Variants in CDH13 observed in about 807,000 individuals in gnomAD.
The protein encoded by CDH13 is cadherin 13.
Under a neutral mutation model 63.8 loss-of-function variants are expected in CDH13, and 24 were observed. The observed-to-expected ratio is 0.38, with a 90% CI of 0.27 to 0.53. The LOEUF (loss-of-function observed/expected upper bound fraction) is 0.53. CDH13 is among the 20% of genes least tolerant of loss of function. CDH13 has a pLI of 0.85. For synonymous variants in CDH13, 503 were observed against 355.3 expected (o/e 1.42, Z -4.67); for missense variants, 1,049 against 903.1 (o/e 1.16, Z -2.07).
intron 8 of CDH13, among the ~76,000 whole-genome samples, chr16:83,613,561 G>A (rs552303506): frequency 3.9e-5 from 6 of 152,222 alleles, no homozygotes; most frequent in East Asian, 1.9e-4. Context: ...GGCCAGGCAC[G>A]GTGGCTCACG....
intron 3 of CDH13, among the ~76,000 whole-genome samples, chr16:83,060,102 C>A (rs974125202): frequency 1.3e-5 from 2 of 152,010 alleles, no homozygotes; most frequent in African/African-American, 4.8e-5. Context: ...CCTACTTTTA[C>A]GTCTCATAAC....
intron 11 of CDH13, among the ~76,000 whole-genome samples, chr16:83,779,561 G>A (rs544613982): frequency 2.6e-5 from 4 of 152,080 alleles, no homozygotes; most frequent in Admixed American, 1.3e-4. Context: ...GGTGGCTCAC[G>A]CCTGTGATCA....
chr16:82,990,104 C>A (rs2151402789), intron 2 of CDH13: 1 of 152,296 alleles, frequency 6.6e-6, no homozygotes, highest in Middle Eastern at 3.4e-3. Context: ...GCAACCTCTC[C>A]CTTCCCCTTG....
At chr16:83,558,962 G>GC (rs869286675) in intron 7 of CDH13, among the ~76,000 whole-genome samples, 4 of 8,236 alleles carry the variant, frequency 4.9e-4, no homozygotes, top group Non-Finnish European at 1.2e-3. Context: ...CCAACACCAT[G>GC]GAGGACCACA....
intron 1 of CDH13, among the ~76,000 whole-genome samples, chr16:82,645,424 G>T (rs1387845866): frequency 6.6e-6 from 1 of 152,124 alleles, no homozygotes; most frequent in Non-Finnish European, 1.5e-5. Flanking sequence ...GTTGGGGTGA[G>T]GGGGGTTGTG....
intron 10 of CDH13, among the ~76,000 whole-genome samples, chr16:83,744,367 G>A (rs1912369057): frequency 6.6e-6 from 1 of 152,230 alleles, no homozygotes; most frequent in Non-Finnish European, 1.5e-5. Flanking sequence ...AATTTGCCAG[G>A]TGGAAGCATA....
chr16:83,793,682 G>A (rs1057361606), intron 13 of CDH13, among the ~76,000 whole-genome samples: 3 of 152,052 alleles, frequency 2.0e-5, no homozygotes, highest in African/African-American at 7.2e-5. Flanking sequence ...ACTTCGGGCA[G>A]GCACCTGTCA....
chr16:83,577,930 T>C (rs1242870848), intron 7 of CDH13, among the ~76,000 whole-genome samples: 1 of 152,252 alleles, frequency 6.6e-6, no homozygotes, highest in East Asian at 1.9e-4. Flanking sequence ...TATTTATATA[T>C]TGTAATACAT....
intron 5 of CDH13, among the ~76,000 whole-genome samples, chr16:83,270,437 A>G (rs1413604396): frequency 6.6e-6 from 1 of 152,218 alleles, no homozygotes; most frequent in Non-Finnish European, 1.5e-5. Flanking sequence ...GCTGCACAAT[A>G]GGAAGCTTCT....
intron 8 of CDH13, among the ~76,000 whole-genome samples, chr16:83,660,851 AT>A (rs1913374245): frequency 6.6e-6 from 1 of 152,222 alleles, no homozygotes; most frequent in South Asian, 2.1e-4. Context: ...ATTTTCTTTC[AT>A]TTTTTAAAGA....
chr16:83,263,091 T>A (rs949513081), intron 5 of CDH13, among the ~76,000 whole-genome samples: 3 of 152,174 alleles, frequency 2.0e-5, no homozygotes, highest in African/African-American at 7.2e-5. Flanking sequence ...TAGCTATGGA[T>A]ATAAACAAGG....
intron 3 of CDH13, among the ~76,000 whole-genome samples, chr16:83,059,667 CTT>C (rs1411118295): frequency 6.6e-6 from 1 of 151,878 alleles, no homozygotes; most frequent in East Asian, 1.9e-4. Flanking sequence ...AGCAGGCTGA[CTT>C]TCTGGTTCCA....
chr16:82,788,675 T>G (rs1007872646), intron 1 of CDH13, among the ~76,000 whole-genome samples: 1 of 152,226 alleles, frequency 6.6e-6, no homozygotes, highest in African/African-American at 2.4e-5. Flanking sequence ...CATTTGTGAA[T>G]TTGGCAGAAG....
chr16:82,911,507 C>T (rs897248839), intron 2 of CDH13, among the ~76,000 whole-genome samples: 3 of 152,176 alleles, frequency 2.0e-5, no homozygotes, highest in Non-Finnish European at 4.4e-5. Context: ...GCTGTACTGT[C>T]CTGGTTAAAT....
chr16:83,671,877 G>A (rs1914529167), intron 9 of CDH13, among the ~76,000 whole-genome samples: 1 of 152,230 alleles, frequency 6.6e-6, no homozygotes, highest in Admixed American at 6.5e-5. Flanking sequence ...TGGTAGCACA[G>A]AAGGCTTGCT....
chr16:83,301,505 C>T (rs1481209776), intron 5 of CDH13, among the ~76,000 whole-genome samples: 1 of 152,040 alleles, frequency 6.6e-6, no homozygotes, highest in African/African-American at 2.4e-5. Flanking sequence ...TGTGTCAGGG[C>T]TGTGTGGCTG....
chr16:82,823,502 G>C (rs2038102128), intron 1 of CDH13: 2 of 152,148 alleles, frequency 1.3e-5, no homozygotes, highest in Admixed American at 1.3e-4. Flanking sequence ...AGAAACAATT[G>C]AACCTAAGTG....
chr16:83,011,726 T>G (rs1450928611), intron 2 of CDH13, among the ~76,000 whole-genome samples: 1 of 152,172 alleles, frequency 6.6e-6, no homozygotes, highest in Non-Finnish European at 1.5e-5. Context: ...CTTCTTCTAC[T>G]CCCAGTTAAG....
intron 3 of CDH13, among the ~76,000 whole-genome samples, chr16:83,112,210 A>G (rs1207601285): frequency 6.6e-6 from 1 of 152,232 alleles, no homozygotes; most frequent in Non-Finnish European, 1.5e-5. Flanking sequence ...ACCATTGTGT[A>G]TTTGGTCTAT....
Sources: gnomAD v4.1 joint callset for allele counts (sites outside exome capture counted in the v4.1 genomes callset) on GRCh38, gnomAD v4.1.1 for gene constraint, MANE v1.5 for transcripts, NCBI Gene and HGNC (gene_info 2026-07-23, HGNC 2026-07-21) for gene names.